Variants in KIF2A observed in about 807,000 individuals in gnomAD.
KIF2A encodes kinesin family member 2A.
KIF2A carries 22 observed loss-of-function variants against 100.2 expected under a neutral mutation model. The ratio of observed to expected loss-of-function variants is 0.22; its 90% CI spans 0.16 to 0.31. KIF2A has a LOEUF of 0.31. Among genes scored for constraint, KIF2A ranks in the 10% least tolerant of loss-of-function variants. The probability of loss-of-function intolerance (pLI) is 1.00; values close to 1 mark genes in which losing one functional copy is unlikely to be tolerated. For missense variants in KIF2A, 495 were observed against 898.7 expected (o/e 0.55, Z 5.74); for synonymous variants, 268 against 285.9 (o/e 0.94, Z 0.63).
chr5:62,365,459 T>A, intron 15 of KIF2A, 106 bp downstream of exon 15: 1 of 599,030 alleles, frequency 1.7e-6, no homozygotes, highest in Non-Finnish European at 2.9e-6. Flanking sequence ...TGAATCCTTC[T>A]ATTTTGAGTG....
At chr5:62,357,644 T>G (rs1161591730) in intron 7 of KIF2A, 47 bp from the exon 8 acceptor site, 1 of 989,022 alleles carries the variant, frequency 1.0e-6, no homozygotes, top group Non-Finnish European at 1.5e-6. Flanking sequence ...TTTTAGTGTT[T>G]TACATGACAC....
In KIF2A at chr5:62,371,401, A is replaced by C. The variant is rs965165955; in HGVS notation, c.1647-1037A>C. 7.9e-4 allele frequency among the ~76,000 whole-genome samples: 121 copies of C among 152,380 alleles called. 2 individuals are homozygous for C. Among genetic ancestry groups the C allele is most frequent in the Admixed American group, 7.9e-3 (121 of 15,308 alleles). Reference sequence around the variant, plus strand: ...AGACTGTTAGTAGAGGAAACATATTAGTTTGATTTATATGAAGATATTGAT... The same window carrying C: ...AGACTGTTAGTAGAGGAAACATATTCGTTTGATTTATATGAAGATATTGAT... On this transcript the variant is annotated intron_variant, in intron 16 of 20. Coordinates refer to ENST00000407818, the MANE Select transcript of KIF2A (RefSeq NM_001098511.3).
chr5:62,361,849 C>A (rs1473277674), intron 11 of KIF2A, among the ~76,000 whole-genome samples: 1 of 151,306 alleles, frequency 6.6e-6, no homozygotes, highest in Non-Finnish European at 1.5e-5. Flanking sequence ...TGGTGAAACT[C>A]CATCTCTACT....
At chr5:62,315,083 C>T (rs967094648) in intron 1 of KIF2A, among the ~76,000 whole-genome samples, 1 of 151,890 alleles carries the variant, frequency 6.6e-6, no homozygotes, top group Non-Finnish European at 1.5e-5. Context: ...ATTTTGACCG[C>T]AACCCATCAC....
chr5:62,313,989 G>T (rs1173768283), intron 1 of KIF2A, among the ~76,000 whole-genome samples: 1 of 151,776 alleles, frequency 6.6e-6, no homozygotes, highest in Non-Finnish European at 1.5e-5. Context: ...ATGGGGTCTT[G>T]CTATGTTGAC....
intron 4 of KIF2A, among the ~76,000 whole-genome samples, chr5:62,351,961 C>T (rs1198636458): frequency 1.3e-5 from 2 of 152,086 alleles, no homozygotes; most frequent in Non-Finnish European, 2.9e-5. Flanking sequence ...TGAGGCCAGC[C>T]TGACCAATAT....
At chr5:62,363,521 T>C (rs1349784521) in intron 13 of KIF2A, among the ~76,000 whole-genome samples, 174 bp from the exon 14 acceptor site, 1 of 152,266 alleles carries the variant, frequency 6.6e-6, no homozygotes, top group Non-Finnish European at 1.5e-5. Flanking sequence ...CCGGATTAAA[T>C]TGTATGAATC....
At chr5:62,325,814 T>C (rs1454696039) in intron 1 of KIF2A, among the ~76,000 whole-genome samples, 1 of 152,230 alleles carries the variant, frequency 6.6e-6, no homozygotes, top group Non-Finnish European at 1.5e-5. Flanking sequence ...TAAATTATTC[T>C]ACAGAAAATA....
intron 1 of KIF2A, among the ~76,000 whole-genome samples, chr5:62,322,985 A>C (rs1746182107): frequency 6.6e-6 from 1 of 150,382 alleles, no homozygotes; most frequent in East Asian, 2.0e-4. Context: ...AGCCGGGCGC[A>C]GTGACTCATG....
intron 19 of KIF2A, among the ~76,000 whole-genome samples, chr5:62,379,585 C>A (rs1234227390): frequency 6.6e-6 from 1 of 151,618 alleles, no homozygotes; most frequent in East Asian, 1.9e-4. Flanking sequence ...TTGCTTGAAC[C>A]CAGCAGGCGG....
intron 1 of KIF2A, among the ~76,000 whole-genome samples, chr5:62,346,132 G>A (rs1367427727): frequency 5.3e-5 from 8 of 151,002 alleles, no homozygotes; most frequent in African/African-American, 1.7e-4. Flanking sequence ...GAAATATTAT[G>A]TAATAATTAA....
intron 15 of KIF2A, 25 bp downstream of exon 15, chr5:62,365,378 T>G (rs762981726): frequency 7.4e-6 from 9 of 1,224,130 alleles, no homozygotes; most frequent in Non-Finnish European, 1.1e-5. Context: ...ATTTTTTGTT[T>G]GTTTTATTTT....
chr5:62,354,986 T>C (rs1748028916), intron 6 of KIF2A, among the ~76,000 whole-genome samples, 173 bp from the exon 7 acceptor site: 1 of 152,110 alleles, frequency 6.6e-6, no homozygotes, highest in South Asian at 2.1e-4. Flanking sequence ...AAACACAAAG[T>C]GGTTCAGAGC....
intron 1 of KIF2A, among the ~76,000 whole-genome samples, chr5:62,342,933 G>T (rs1449921726): frequency 6.6e-6 from 1 of 151,750 alleles, no homozygotes; most frequent in Non-Finnish European, 1.5e-5. Context: ...TGTATTTTTA[G>T]TAGAGACTGT....
At chr5:62,365,599 T>C (rs1458739809) in intron 15 of KIF2A, among the ~76,000 whole-genome samples, 1 of 152,080 alleles carries the variant, frequency 6.6e-6, no homozygotes, top group Non-Finnish European at 1.5e-5. Context: ...TTTCTTTTTC[T>C]CTTTCTCTTT....
At chr5:62,375,769 C>T (rs957325314) in intron 18 of KIF2A, among the ~76,000 whole-genome samples, 2 of 152,162 alleles carry the variant, frequency 1.3e-5, no homozygotes, top group Non-Finnish European at 2.9e-5. Flanking sequence ...GGATATTTTG[C>T]TTGTCACAAC....
At position 62,361,228 on chromosome 5, in the gene KIF2A, A is replaced by G. The variant is rs753761656; in HGVS notation, c.873-14A>G. The G allele has an allele frequency of 3.3e-5, 49 of 1,476,336 alleles. No homozygotes were observed. In the South Asian group the frequency reaches 5.7e-4, roughly 17 times the overall value. 91.5% of individuals were successfully genotyped at this position (1,476,336 alleles called of 1,614,324 possible). A position where few individuals can be genotyped will look rare whatever the true frequency, so the allele number is the denominator to read the frequency against. On this transcript the variant is annotated splice_polypyrimidine_tract_variant and intron_variant, in intron 9 of 20. Transcript: ENST00000407818. ...ATTGGTGACACATTCTGACTGATGC[A>G]TTTTATTTTTAAGGTTTACTGCTAG...
At position 62,352,594 on chromosome 5, in the gene KIF2A, G is replaced by C. The variant is rs1229237874; in HGVS notation, c.341G>C (p.Gly114Ala). The change falls in exon 5 of 21, where the codon GGT becomes GCT. Residue 114 changes from glycine to alanine, a missense_variant. Physicochemically the swap from Gly to Ala is moderately conservative, Grantham distance 60. Coordinates refer to ENST00000407818, the MANE Select transcript of KIF2A (RefSeq NM_001098511.3). ...DPPSRDNRVV[G>A]SARARPSQFP... is the part of the protein sequence containing the mutation. ...TTTTTTTTTTTACTTACAGTGGTTG[G>C]TTCAGCACGTGCACGGCCCAGTCAA... 4 of 1,566,196 alleles carry C rather than the reference G, an allele frequency of 2.6e-6. No individual in the cohort carries two copies. The African/African-American group carries it at 5.5e-5, about 21-fold the overall frequency.
intron 5 of KIF2A, chr5:62,352,975 G>A: frequency 2.3e-6 from 1 of 427,726 alleles, no homozygotes; most frequent in Non-Finnish European, 4.1e-6. Context: ...TAATTTGTCA[G>A]ATGTTACAGA....
Sources: allele counts gnomAD v4.1 joint callset (sites outside exome capture counted in the v4.1 genomes callset), GRCh38; gene constraint gnomAD v4.1.1; transcripts MANE v1.5; gene names NCBI Gene and HGNC (gene_info 2026-07-23, HGNC 2026-07-21).